The following SORBS2 variants were observed in gnomAD, a reference collection of about 807,000 sequenced individuals.
SORBS2 encodes the protein sorbin and SH3 domain containing 2, also known as sorbin and SH3 domain-containing protein 2.
In SORBS2, 46 loss-of-function variants were observed where a neutral mutation model predicts 97.7. The ratio of observed to expected loss-of-function variants is 0.47; its 90% CI spans 0.37 to 0.60. The LOEUF is 0.60. SORBS2 is among the 20% of genes least tolerant of loss of function. SORBS2 has a pLI of 0.00. For synonymous variants in SORBS2, 476 were observed against 473.4 expected (o/e 1.01, Z -0.07); for missense variants, 1,316 against 1,282.3 (o/e 1.03, Z -0.40).
intron 2 of SORBS2, 38 bp from the exon 11 acceptor site, chr4:185,651,866 T>C (rs2097320405): frequency 1.9e-6 from 2 of 1,028,142 alleles, no homozygotes; most frequent in Middle Eastern, 2.0e-4. Flanking sequence ...TAATATAGAT[T>C]GTCACCAAAG....
intron 4 of SORBS2, among the ~76,000 whole-genome samples, chr4:185,668,517 T>C (rs1378489047): frequency 6.6e-6 from 1 of 152,206 alleles, no homozygotes; most frequent in African/African-American, 2.4e-5. Flanking sequence ...ACAGTTATAC[T>C]GGTCACCCAC....
At chr4:185,683,832 G>A (rs2097910330) in intron 2 of SORBS2, among the ~76,000 whole-genome samples, 1 of 152,110 alleles carries the variant, frequency 6.6e-6, no homozygotes, top group South Asian at 2.1e-4. Context: ...GCTGTAAAGC[G>A]AAGAACACCC....
chr4:185,621,045 A>T (rs2096712418), intron 7 of SORBS2, among the ~76,000 whole-genome samples: 1 of 152,224 alleles, frequency 6.6e-6, no homozygotes, highest in Admixed American at 6.5e-5. Flanking sequence ...CCAGTAGTCT[A>T]TGTTATAGAA....
At position 185,731,864 on chromosome 4, in the gene SORBS2, CTCTATATATATATATATATATATATATA is replaced by C. The variant is rs1263697597; in HGVS notation, c.-198+43335_-198+43362del. Among the ~76,000 whole-genome samples the C allele has an allele frequency of 3.6e-3, 105 of 29,020 alleles. 1 individual carries two copies. The highest frequency in any genetic ancestry group is 0.019 in the Middle Eastern group (1 of 54). The allele number at this position is 29,020 out of a possible 152,430, so 19.0% of individuals were successfully genotyped here. A position where few individuals can be genotyped will look rare whatever the true frequency, so the allele number is the denominator to read the frequency against. On this transcript the variant is annotated intron_variant, in intron 2 of 20. Transcript: ENST00000284776. The stretch of plus-strand genomic sequence containing the variant: ...TCTCTCTCTCTCTCTCTCTCTCTCT[CTCTATATATATATATATATATATATATA>C]TATATATATATATATATGTCTGTTT...
intron 4 of SORBS2, among the ~76,000 whole-genome samples, chr4:185,674,537 A>G (rs2097765583): frequency 6.6e-6 from 1 of 152,188 alleles, no homozygotes; most frequent in South Asian, 2.1e-4. Context: ...TTTTGTTAAA[A>G]TATAAGGGAA....
chr4:185,755,341 G>A (rs989102691), intron 2 of SORBS2, among the ~76,000 whole-genome samples: 8 of 152,222 alleles, frequency 5.3e-5, no homozygotes, highest in Non-Finnish European at 2.9e-5. Context: ...ATCTGAATAA[G>A]GGAAGAGTCA....
chr4:185,788,200 G>A (rs963279597), intron 1 of SORBS2, among the ~76,000 whole-genome samples: 3 of 152,192 alleles, frequency 2.0e-5, no homozygotes, highest in African/African-American at 4.8e-5. Flanking sequence ...AATGCTGTTC[G>A]CAATCGTAGA....
intron 2 of SORBS2, among the ~76,000 whole-genome samples, chr4:185,710,147 G>C (rs1450413066): frequency 3.0e-5 from 3 of 99,102 alleles, no homozygotes; most frequent in Non-Finnish European, 7.6e-5. Context: ...ATTTCAGCTT[G>C]CTTTCACTCG....
At chr4:185,827,330 T>C (rs143644412) in intron 1 of SORBS2, among the ~76,000 whole-genome samples, 14,431 of 23,142 alleles carry the variant, frequency 0.62, 3,773 homozygotes, top group South Asian at 0.65. Flanking sequence ...ACCATCATCA[T>C]CATCATCATC....
intron 2 of SORBS2, among the ~76,000 whole-genome samples, chr4:185,697,388 A>T (rs1289883078): frequency 6.6e-6 from 1 of 152,170 alleles, no homozygotes; most frequent in East Asian, 1.9e-4. Flanking sequence ...GCTTAGCAAC[A>T]TGTTGGAATT....
At chr4:185,907,071 G>T (rs2099251349) in intron 1 of SORBS2, among the ~76,000 whole-genome samples, 2 of 151,934 alleles carry the variant, frequency 1.3e-5, no homozygotes, top group South Asian at 2.1e-4. Flanking sequence ...TGGAGGCAGA[G>T]GTTGCAGTGA....
intron 2 of SORBS2, among the ~76,000 whole-genome samples, chr4:185,749,432 G>A (rs1034517660): frequency 7.9e-5 from 12 of 151,526 alleles, no homozygotes; most frequent in African/African-American, 1.2e-4. Flanking sequence ...AGATAGAGTC[G>A]TCATTTTGTA....
At chr4:185,942,645 G>A (rs1358329465) in intron 1 of SORBS2, among the ~76,000 whole-genome samples, 2 of 152,120 alleles carry the variant, frequency 1.3e-5, no homozygotes, top group Non-Finnish European at 2.9e-5. Flanking sequence ...CACCGCGCAT[G>A]GCCCCATATT....
intron 5 of SORBS2, 68 bp downstream of exon 17, chr4:185,630,481 A>C (rs1017884179): frequency 4.3e-5 from 42 of 974,562 alleles, no homozygotes; most frequent in Non-Finnish European, 6.6e-5. Context: ...ACTTCACTGA[A>C]TAATTTTATT....
At chr4:185,743,300 C>T (rs995306469) in intron 2 of SORBS2, among the ~76,000 whole-genome samples, 3 of 152,104 alleles carry the variant, frequency 2.0e-5, no homozygotes, top group Non-Finnish European at 4.4e-5. Flanking sequence ...CATGAAAACC[C>T]AGACTGTTTT....
chr4:185,788,657 C>T (rs1277489474), intron 1 of SORBS2, among the ~76,000 whole-genome samples: 1 of 152,138 alleles, frequency 6.6e-6, no homozygotes, highest in African/African-American at 2.4e-5. Flanking sequence ...TATAATTATA[C>T]CCTGTAATGA....
At chr4:185,874,422 G>C (rs978340071) in intron 1 of SORBS2, among the ~76,000 whole-genome samples, 1 of 152,136 alleles carries the variant, frequency 6.6e-6, no homozygotes, top group Non-Finnish European at 1.5e-5. Flanking sequence ...GTAAGAGTTC[G>C]GGTCAGTCTT....
At chr4:185,712,354 C>T (rs1375349426) in intron 2 of SORBS2, among the ~76,000 whole-genome samples, 1 of 152,174 alleles carries the variant, frequency 6.6e-6, no homozygotes, top group Non-Finnish European at 1.5e-5. Context: ...CCTACCTGCC[C>T]ATCCCCTGTT....
intron 1 of SORBS2, among the ~76,000 whole-genome samples, chr4:185,891,681 T>C (rs146221207): frequency 6.6e-6 from 1 of 152,218 alleles, no homozygotes; most frequent in African/African-American, 2.4e-5. Context: ...AAAACCCTAG[T>C]CTCCAAATTT....
Sources: allele counts gnomAD v4.1 joint callset (sites outside exome capture counted in the v4.1 genomes callset), GRCh38; gene constraint gnomAD v4.1.1; transcripts MANE v1.5; gene names NCBI Gene and HGNC (gene_info 2026-07-23, HGNC 2026-07-21).